PSME4: variants seen among roughly 807,000 people sequenced by gnomAD.
PSME4 encodes the protein proteasome activator subunit 4, also known as proteasome activator complex subunit 4.
PSME4 carries 89 observed loss-of-function variants against 253.9 expected under a neutral mutation model. The ratio of observed to expected loss-of-function variants is 0.35; its 90% CI spans 0.30 to 0.42. PSME4 has a LOEUF of 0.42. Among genes scored for constraint, PSME4 ranks in the 10% least tolerant of loss-of-function variants. The pLI, the probability that PSME4 is intolerant of heterozygous loss-of-function variation, is 1.00. For missense variants in PSME4, 2,014 were observed against 2,195.2 expected, an observed-to-expected ratio of 0.92 and a Z score of 1.65; for synonymous variants, 851 against 759.2, an observed-to-expected ratio of 1.12 and a Z score of -1.99.
intron 40 of PSME4, 125 bp downstream of exon 40, chr2:53,887,134 A>T: frequency 1.2e-6 from 1 of 818,464 alleles, no homozygotes; most frequent in African/African-American, 1.7e-5. Context: ...ACACTTAAAA[A>T]TGGTTAAAAC....
At chr2:53,967,459 T>C (rs1243104397) in intron 1 of PSME4, among the ~76,000 whole-genome samples, 4 of 151,484 alleles carry the variant, frequency 2.6e-5, no homozygotes, top group Non-Finnish European at 5.9e-5. Flanking sequence ...CTTGCCAAAA[T>C]GGTGAAACCC....
At chr2:53,956,857 A>C (rs1670260458) in intron 1 of PSME4, among the ~76,000 whole-genome samples, 1 of 152,204 alleles carries the variant, frequency 6.6e-6, no homozygotes, top group South Asian at 2.1e-4. Context: ...GTATTATCTT[A>C]ATTTAAATGT....
rs1383180169 is a variant in PSME4, at chr2:53,940,975, A to T, written c.501-975T>A. On this transcript the variant is annotated intron_variant, in intron 3 of 46. Coordinates refer to ENST00000404125, the MANE Select transcript of PSME4 (RefSeq NM_014614.3). ...TACATATATATATATATATATATAT[A>T]TATATATATATATATATATATATAT... Among the ~76,000 whole-genome samples the T allele has an allele frequency of 8.9e-4, 58 of 65,340 alleles. 3 individuals carry two copies. Among genetic ancestry groups the T allele is most frequent in the African/African-American group, 2.2e-3 (54 of 24,654 alleles). The allele number at this position is 65,340 out of a possible 152,430, so 42.9% of individuals were successfully genotyped here. A position where few individuals can be genotyped will look rare whatever the true frequency, so the allele number is the denominator to read the frequency against.
intron 7 of PSME4, among the ~76,000 whole-genome samples, chr2:53,935,751 T>C (rs748776231): frequency 7.2e-5 from 11 of 152,226 alleles, no homozygotes; most frequent in African/African-American, 9.6e-5. Flanking sequence ...GAAAAGGTAA[T>C]TGGACCCAGC....
chr2:53,879,446 G>C (rs1679280222), intron 41 of PSME4, among the ~76,000 whole-genome samples: 1 of 152,136 alleles, frequency 6.6e-6, no homozygotes, highest in Non-Finnish European at 1.5e-5. Context: ...TATCTGGCTG[G>C]CAGGAAACAT....
At position 53,934,643 on chromosome 2, in the gene PSME4, C is replaced by A. The variant is rs755171166; in HGVS notation, c.919G>T (p.Asp307Tyr). Residue 307 changes from aspartate (D) to tyrosine (Y), a missense_variant, in exon 8 of 47, where the codon GAT (aspartate) becomes TAT (tyrosine). Coordinates refer to ENST00000404125, the MANE Select transcript of PSME4 (RefSeq NM_014614.3). ...ATCCATATTACAGCATGTCCTATATCATAAGCATTTGTTAAAAATCTTGGG... is the reference window on the plus strand; with the variant it reads ...ATCCATATTACAGCATGTCCTATATAATAAGCATTTGTTAAAAATCTTGGG... ...LVPRFLTNAY[D>Y]IGHAVIWITA... is the part of the protein sequence containing the mutation. 11 of 1,612,882 alleles carry A rather than the reference C, an allele frequency of 6.8e-6. No homozygotes were observed. Among genetic ancestry groups the A allele is most frequent in the Non-Finnish European group, 9.3e-6 (11 of 1,179,106 alleles).
intron 28 of PSME4, among the ~76,000 whole-genome samples, chr2:53,900,438 G>C (rs529946298): frequency 7.9e-5 from 12 of 152,110 alleles, no homozygotes; most frequent in African/African-American, 1.7e-4. Flanking sequence ...GGGTGTAGTG[G>C]TGCACACCTA....
At position 53,925,630 on chromosome 2, in the gene PSME4, TCA is replaced by T; in HGVS notation, c.1716_1717del (p.Lys574AsnfsTer17). ...CAAACTCTCCAAGTGTGTCATTTTC[TCA>T]GTTTCTGTCTCTTCTCTTGTTTGCT... is the stretch of plus-strand genomic sequence containing the variant. On this transcript the variant is annotated frameshift_variant, in exon 14 of 47. Coordinates refer to ENST00000404125, the MANE Select transcript of PSME4 (RefSeq NM_014614.3). LOFTEE classifies it high-confidence loss of function. 6.2e-7 allele frequency: 1 copy of T among 1,611,298 alleles called. No individual in the cohort carries two copies. The highest frequency in any genetic ancestry group is 8.5e-7 in the Non-Finnish European group (1 of 1,177,576).
rs559409738 is a variant in PSME4 at position 53,908,798 on chromosome 2, A to G, written c.2615T>C (p.Ile872Thr). 3 of 1,602,794 alleles carry G rather than the reference A, an allele frequency of 1.9e-6. No individual in the cohort carries two copies. The African/African-American group carries it at 4.0e-5, about 22-fold the overall frequency. The change falls in exon 22 of 47, where the codon ATA becomes ACA. Residue 872 changes from isoleucine (I) to threonine (T), a missense_variant. Coordinates refer to ENST00000404125, the MANE Select transcript of PSME4 (RefSeq NM_014614.3). ...ENHREVIATVIRKLLNHILDN... is the reference protein window; with the variant it reads ...ENHREVIATVTRKLLNHILDN... The stretch of plus-strand genomic sequence containing the variant: ...GATACACTTACTAAGAAGTTTCCTT[A>G]TAACTGTAGCAATTACTTCTCGGTG...
chr2:53,877,795 A>G (rs1166032180), intron 41 of PSME4, among the ~76,000 whole-genome samples: 2 of 152,230 alleles, frequency 1.3e-5, no homozygotes, highest in Non-Finnish European at 2.9e-5. Context: ...AGCCTTTGTC[A>G]TAACAAAGGC....
chr2:53,888,630 C>T lies in PSME4; in HGVS notation c.4388+91G>A, dbSNP rs141096771. 4.1e-4 allele frequency: 350 copies of T among 859,286 alleles called. No individual in the cohort carries two copies. The African/African-American group carries it at 5.3e-3, about 13-fold the overall frequency. 53.2% of individuals were successfully genotyped at this position (859,286 alleles called of 1,614,324 possible). Reference sequence around the variant, plus strand: ...GAAGAAAGTAATTACTTCATCTAGACTTTACAAGTATAGACCATTCATTTC... The same window carrying T: ...GAAGAAAGTAATTACTTCATCTAGATTTTACAAGTATAGACCATTCATTTC... On this transcript the variant is annotated intron_variant, in intron 38 of 46. Coordinates refer to ENST00000404125, the MANE Select transcript of PSME4 (RefSeq NM_014614.3).
At chr2:53,933,796 A>C (rs949568297) in intron 8 of PSME4, among the ~76,000 whole-genome samples, 7 of 152,204 alleles carry the variant, frequency 4.6e-5, no homozygotes, top group African/African-American at 7.2e-5. Context: ...TGTAGCCCCC[A>C]AAAATCCAGT....
intron 36 of PSME4, 50 bp downstream of exon 36, chr2:53,892,758 G>A (rs1397254997): frequency 6.5e-7 from 1 of 1,545,244 alleles, no homozygotes; most frequent in Non-Finnish European, 8.7e-7. Flanking sequence ...CACCAAAATG[G>A]GTAACATAGC....
chr2:53,935,943 G>C, intron 7 of PSME4, 144 bp downstream of exon 7: 2 of 952,010 alleles, frequency 2.1e-6, no homozygotes, highest in Non-Finnish European at 2.8e-6. Context: ...ACCCAGGCTG[G>C]AGTGCAGTAC....
intron 14 of PSME4, among the ~76,000 whole-genome samples, chr2:53,924,098 A>T (rs1668454284): frequency 6.6e-6 from 1 of 152,148 alleles, no homozygotes; most frequent in Admixed American, 6.5e-5. Flanking sequence ...TGACAACTAC[A>T]AACTAGACAT....
intron 3 of PSME4, among the ~76,000 whole-genome samples, chr2:53,940,322 G>A (rs946820772): frequency 9.9e-5 from 15 of 152,048 alleles, no homozygotes; most frequent in African/African-American, 3.4e-4. Flanking sequence ...CAACACAGTG[G>A]CTTAAAACTT....
At chr2:53,907,204 C>T (rs1680701019) in intron 24 of PSME4, among the ~76,000 whole-genome samples, 1 of 152,152 alleles carries the variant, frequency 6.6e-6, no homozygotes. Flanking sequence ...AAGACAATTG[C>T]TCAACTCTCT....
chr2:53,899,025 G>C (rs895431435), intron 29 of PSME4, among the ~76,000 whole-genome samples: 1 of 150,744 alleles, frequency 6.6e-6, no homozygotes, highest in Non-Finnish European at 1.5e-5. Flanking sequence ...AAAAAAGAAA[G>C]ATAATTCACT....
chr2:53,958,091 C>G (rs1464105107), intron 1 of PSME4, among the ~76,000 whole-genome samples: 1 of 149,238 alleles, frequency 6.7e-6, no homozygotes, highest in East Asian at 2.0e-4. Context: ...GAGGCTGGGC[C>G]AGGAGAATTG....
Sources: gnomAD v4.1 joint callset for allele counts (sites outside exome capture counted in the v4.1 genomes callset) on GRCh38, gnomAD v4.1.1 for gene constraint, MANE v1.5 for transcripts, NCBI Gene and HGNC (gene_info 2026-07-23, HGNC 2026-07-21) for gene names.